The following TNIK variants were observed in gnomAD, a reference collection of about 807,000 sequenced individuals.
TNIK encodes the protein TRAF2 and NCK-interacting protein kinase.
TNIK carries 49 observed loss-of-function variants against 191.3 expected under a neutral mutation model. That is an observed-to-expected ratio of 0.26 (90% CI 0.20 to 0.32). The LOEUF (loss-of-function observed/expected upper bound fraction) is 0.32. TNIK is among the 10% of genes least tolerant of loss of function. The pLI is 1.00. For synonymous variants in TNIK, 594 were observed against 600.9 expected (o/e 0.99, Z 0.17); for missense variants, 1,155 against 1,702.3 (o/e 0.68, Z 5.66).
chr3:171,202,872 C>A (rs1739589195), intron 4 of TNIK, among the ~76,000 whole-genome samples: 3 of 152,176 alleles, frequency 2.0e-5, no homozygotes, highest in Non-Finnish European at 2.9e-5. Flanking sequence ...CAAATTCAAC[C>A]TTTTAAAAAT....
At chr3:171,142,229 C>T (rs1730938283) in intron 12 of TNIK, among the ~76,000 whole-genome samples, 1 of 152,184 alleles carries the variant, frequency 6.6e-6, no homozygotes, top group East Asian at 1.9e-4. Flanking sequence ...ATCAGACTTG[C>T]ATTTTCAAAA....
Position 171,422,595 on chromosome 3 carries a change from T to C in TNIK, c.57+37412A>G, listed in dbSNP as rs2108634727. Reference sequence around the variant, plus strand: ...TCAAAATGGAAAAAATAAACTTACTTTTGGAAATCATGCATTCAGCAAATA... The same window carrying C: ...TCAAAATGGAAAAAATAAACTTACTCTTGGAAATCATGCATTCAGCAAATA... On this transcript the variant is annotated intron_variant, in intron 1 of 32. Coordinates refer to ENST00000436636, the MANE Select transcript of TNIK (RefSeq NM_015028.4). Among the ~76,000 whole-genome samples the C allele has an allele frequency of 2.0e-5, 3 of 152,316 alleles. No individual in the cohort carries two copies. The South Asian group carries it at 6.2e-4, about 32-fold the overall frequency.
At chr3:171,252,780 T>C (rs1746384856) in intron 2 of TNIK, among the ~76,000 whole-genome samples, 1 of 152,110 alleles carries the variant, frequency 6.6e-6, no homozygotes, top group Non-Finnish European at 1.5e-5. Flanking sequence ...CATGGGGTAG[T>C]GGAATGGGGA....
At chr3:171,442,456 A>G (rs571137366) in intron 1 of TNIK, among the ~76,000 whole-genome samples, 9 of 152,340 alleles carry the variant, frequency 5.9e-5, no homozygotes, top group African/African-American at 1.4e-4. Context: ...CAGAGATCAC[A>G]GAGGGACACC....
intron 1 of TNIK, among the ~76,000 whole-genome samples, chr3:171,435,214 C>T (rs1283931282): frequency 6.6e-6 from 1 of 152,170 alleles, no homozygotes; most frequent in Admixed American, 6.5e-5. Flanking sequence ...TTCCCAGGAA[C>T]CCCCAGTGAG....
intron 21 of TNIK, among the ~76,000 whole-genome samples, chr3:171,104,081 A>G (rs1325454764): frequency 0.048 from 6 of 124 alleles, no homozygotes; most frequent in East Asian, 0.17. Flanking sequence ...CTTAAAGGAA[A>G]TTTTCAATTA....
chr3:171,422,200 A>T (rs1723899592), intron 1 of TNIK, among the ~76,000 whole-genome samples: 1 of 152,180 alleles, frequency 6.6e-6, no homozygotes, highest in South Asian at 2.1e-4. Context: ...CATTGGATAG[A>T]TCCTTTCTCA....
At chr3:171,213,910 T>C (rs9880289) in intron 3 of TNIK, among the ~76,000 whole-genome samples, 11,336 of 152,106 alleles carry the variant, frequency 0.075, 581 homozygotes, top group African/African-American at 0.14. Context: ...AACGGATGTA[T>C]GTTATAAAGT....
At chr3:171,128,625 G>T in intron 16 of TNIK, 89 bp downstream of exon 16, 1 of 1,433,188 alleles carries the variant, frequency 7.0e-7, no homozygotes, top group East Asian at 2.4e-5. Flanking sequence ...TCCTGTGCCT[G>T]AATCCATGTT....
rs562510588 is a variant in TNIK, at chr3:171,369,405, G to C, written c.123+215C>G. Among the ~76,000 whole-genome samples, 7 of 152,302 alleles carry C rather than the reference G, an allele frequency of 4.6e-5. No individual in the cohort carries two copies. The South Asian group carries it at 1.5e-3, about 32-fold the overall frequency. ...AATTCATGTGTCACATACAAACACA[G>C]TAATATATAATGAAGGGAAATACCC... On this transcript the variant is annotated intron_variant, in intron 2 of 32. Transcript: ENST00000436636.
chr3:171,451,345 T>C (rs1201478306), intron 1 of TNIK, among the ~76,000 whole-genome samples: 1 of 152,210 alleles, frequency 6.6e-6, no homozygotes, highest in African/African-American at 2.4e-5. Flanking sequence ...AAGTAAATCA[T>C]CTTGGAAAGA....
At chr3:171,158,961 G>A (rs372872678) in intron 11 of TNIK, among the ~76,000 whole-genome samples, 95 of 152,234 alleles carry the variant, frequency 6.2e-4, no homozygotes, top group African/African-American at 2.1e-3. Flanking sequence ...ACACCAGCCC[G>A]GCTTCCCAGA....
chr3:171,430,383 T>C (rs1008282767), intron 1 of TNIK, among the ~76,000 whole-genome samples: 2 of 152,196 alleles, frequency 1.3e-5, no homozygotes, highest in Non-Finnish European at 2.9e-5. Context: ...CTCATCCCTG[T>C]AATCCCAACA....
chr3:171,146,853 G>A (rs1484765384), intron 12 of TNIK, among the ~76,000 whole-genome samples: 2 of 145,720 alleles, frequency 1.4e-5, no homozygotes, highest in African/African-American at 5.1e-5. Flanking sequence ...TCGTGCCACT[G>A]TACGAGATTG....
chr3:171,459,952 G>T, intron 1 of TNIK, 55 bp downstream of exon 1: 1 of 1,503,586 alleles, frequency 6.7e-7, no homozygotes, highest in Non-Finnish European at 9.1e-7. Context: ...CACGCACCGA[G>T]CCCATTCACC....
chr3:171,154,909 T>G (rs559406291), intron 12 of TNIK, among the ~76,000 whole-genome samples: 1 of 152,324 alleles, frequency 6.6e-6, no homozygotes, highest in South Asian at 2.1e-4. Context: ...GTGACAACAT[T>G]CAGTGTATAT....
chr3:171,095,505 A>T (rs971515790), intron 22 of TNIK, among the ~76,000 whole-genome samples: 1 of 152,220 alleles, frequency 6.6e-6, no homozygotes, highest in Non-Finnish European at 1.5e-5. Flanking sequence ...CTCTCTAGGC[A>T]TATTAATTGC....
chr3:171,175,347 C>A lies in TNIK; in HGVS notation c.695-17G>T. 1 of 1,598,840 alleles carries A rather than the reference C, an allele frequency of 6.3e-7. No individual in the cohort carries two copies. Among genetic ancestry groups the A allele is most frequent in the Non-Finnish European group, 8.5e-7 (1 of 1,173,368 alleles). ...CACAGAGAGCTGCAAGAGACCAAAA[C>A]AAGGGCCAGCTACAGTTAGGAGGCC... On this transcript the variant is annotated splice_polypyrimidine_tract_variant and intron_variant, in intron 8 of 32. Coordinates refer to ENST00000436636, the MANE Select transcript of TNIK (RefSeq NM_015028.4).
chr3:171,390,972 C>T (rs867988315), intron 1 of TNIK, among the ~76,000 whole-genome samples: 34 of 152,160 alleles, frequency 2.2e-4, no homozygotes, highest in African/African-American at 8.2e-4. Context: ...TTTCAACGGT[C>T]CTTCAACACA....
Sources: gnomAD v4.1 joint callset for allele counts (sites outside exome capture counted in the v4.1 genomes callset) on GRCh38, gnomAD v4.1.1 for gene constraint, MANE v1.5 for transcripts, NCBI Gene and HGNC (gene_info 2026-07-23, HGNC 2026-07-21) for gene names.